The following TMEM117 variants were observed in gnomAD, a reference collection of about 807,000 sequenced individuals.
TMEM117 encodes the protein transmembrane protein 117.
A neutral mutation model predicts 52.4 loss-of-function variants in TMEM117; 27 were observed. The ratio of observed to expected loss-of-function variants is 0.51; its 90% CI spans 0.38 to 0.71. The LOEUF (loss-of-function observed/expected upper bound fraction) is 0.71, where lower values mean the gene tolerates loss of function less well. Among genes scored for constraint, TMEM117 ranks in the 30% least tolerant of loss-of-function variants. The pLI, the probability that TMEM117 is intolerant of heterozygous loss-of-function variation, is 0.00. For synonymous variants in TMEM117, 215 were observed against 206.3 expected (o/e 1.04, Z -0.36); for missense variants, 556 against 630.5 (o/e 0.88, Z 1.26).
intron 3 of TMEM117, among the ~76,000 whole-genome samples, chr12:44,069,838 G>C (rs1047341281): frequency 2.6e-5 from 4 of 152,154 alleles, no homozygotes; most frequent in African/African-American, 9.7e-5. Flanking sequence ...AATTGATTCA[G>C]CCTTTCCATG....
At chr12:44,339,962 G>C (rs1486883678) in intron 6 of TMEM117, among the ~76,000 whole-genome samples, 1 of 152,026 alleles carries the variant, frequency 6.6e-6, no homozygotes, top group Non-Finnish European at 1.5e-5. Flanking sequence ...TGGAAAGTCT[G>C]CAATGCACTG....
intron 3 of TMEM117, among the ~76,000 whole-genome samples, chr12:43,978,924 AAAAC>A (rs1411220335): frequency 6.6e-6 from 1 of 151,384 alleles, no homozygotes; most frequent in African/African-American, 2.4e-5. Context: ...TTTAGTAGGA[AAAAC>A]AAACAATTGG....
At chr12:43,872,512 A>G (rs548513516) in intron 2 of TMEM117, among the ~76,000 whole-genome samples, 146 of 152,324 alleles carry the variant, frequency 9.6e-4, no homozygotes, top group African/African-American at 3.2e-3. Flanking sequence ...TTTTTAGTTG[A>G]GAATTTCAAA....
intron 6 of TMEM117, among the ~76,000 whole-genome samples, chr12:44,376,214 TA>T (rs1386169931): frequency 6.6e-6 from 1 of 152,204 alleles, no homozygotes; most frequent in Non-Finnish European, 1.5e-5. Flanking sequence ...TCATACTTTT[TA>T]AAAGTCATGA....
At chr12:44,127,922 A>G (rs113426159) in intron 3 of TMEM117, among the ~76,000 whole-genome samples, 6 of 151,392 alleles carry the variant, frequency 4.0e-5, no homozygotes, top group South Asian at 4.1e-4. Flanking sequence ...CTGTCTGTCT[A>G]TCTATCTGTC....
chr12:43,922,063 G>A (rs1348336086), intron 2 of TMEM117, among the ~76,000 whole-genome samples: 2 of 152,056 alleles, frequency 1.3e-5, no homozygotes, highest in Non-Finnish European at 2.9e-5. Context: ...GTGCCTTCTT[G>A]TCAGTAGAAC....
rs78088143 is a variant in TMEM117, at chr12:44,081,055, G to A, written c.411-62470G>A. Among the ~76,000 whole-genome samples the A allele has an allele frequency of 1.2e-4, 19 of 152,210 alleles. No homozygotes were observed. The East Asian group carries it at 3.5e-3, about 28-fold the overall frequency. The stretch of plus-strand genomic sequence containing the variant: ...ATAATTACTTTTGTACTAATATTAT[G>A]AACAAATAATTATAACAGATTTAAT... On this transcript the variant is annotated intron_variant, in intron 3 of 7. Transcript: ENST00000266534.
rs138371222 is a variant in TMEM117 at position 43,877,263 on chromosome 12, A to T, written c.277+32335A>T. On this transcript the variant is annotated intron_variant, in intron 2 of 7. Coordinates refer to ENST00000266534, the MANE Select transcript of TMEM117 (RefSeq NM_032256.3). ...GTTGTCCTATGAACTTTGATCTTCA[A>T]TTTGGAGAAATATAAATTTTTGAAA... 5.8e-3 allele frequency among the ~76,000 whole-genome samples: 886 copies of T among 152,288 alleles called. 7 individuals are homozygous for T. Among genetic ancestry groups the T allele is most frequent in the Middle Eastern group, 0.01 (3 of 294 alleles).
chr12:44,216,529 C>T lies in TMEM117; in HGVS notation c.608+5142C>T, dbSNP rs955612333. On this transcript the variant is annotated intron_variant, in intron 5 of 7. Coordinates refer to ENST00000266534, the MANE Select transcript of TMEM117 (RefSeq NM_032256.3). ...CAAAAAGTCATCCCTAGAAATGGGGCGCTGCCATAACGGAAAGCTGAAATT... is the reference window on the plus strand; with the variant it reads ...CAAAAAGTCATCCCTAGAAATGGGGTGCTGCCATAACGGAAAGCTGAAATT... Among the ~76,000 whole-genome samples, 5 of 152,084 alleles carry T rather than the reference C, an allele frequency of 3.3e-5. No homozygotes were observed. In the South Asian group the frequency reaches 6.2e-4, roughly 19 times the overall value.
chr12:43,976,346 A>G (rs1945669966), intron 3 of TMEM117, among the ~76,000 whole-genome samples: 1 of 152,186 alleles, frequency 6.6e-6, no homozygotes, highest in Non-Finnish European at 1.5e-5. Flanking sequence ...ACAGGTATCC[A>G]GTAAAAGAGT....
chr12:43,906,943 T>C (rs565727575), intron 2 of TMEM117, among the ~76,000 whole-genome samples: 14 of 152,338 alleles, frequency 9.2e-5, no homozygotes, highest in African/African-American at 3.4e-4. Context: ...TTGCCCAGGC[T>C]TGCTTAGGTA....
chr12:44,311,905 A>G (rs933362792), intron 6 of TMEM117, among the ~76,000 whole-genome samples: 4 of 132,890 alleles, frequency 3.0e-5, no homozygotes, highest in African/African-American at 1.0e-4. Context: ...GTGTATATAT[A>G]TATGTGTGTA....
intron 5 of TMEM117, among the ~76,000 whole-genome samples, chr12:44,297,507 T>C (rs1205585415): frequency 6.6e-6 from 1 of 151,998 alleles, no homozygotes; most frequent in Non-Finnish European, 1.5e-5. Context: ...AAAAAGAAAG[T>C]GGGATATAAG....
chr12:43,882,460 C>A (rs866122368), intron 2 of TMEM117, among the ~76,000 whole-genome samples: 515 of 116,980 alleles, frequency 4.4e-3, no homozygotes, highest in Middle Eastern at 8.3e-3. Flanking sequence ...AACTTCATCT[C>A]AAAAAAAAAA....
At chr12:43,796,593 A>T in the TMEM117 span, among the ~76,000 whole-genome samples, 2 of 152,130 alleles carry the variant, frequency 1.3e-5, no homozygotes, top group African/African-American at 4.8e-5. Context: ...AATAATCACA[A>T]GTATGCAGCT....
chr12:44,011,722 T>G (rs1052646943), intron 3 of TMEM117, among the ~76,000 whole-genome samples: 1 of 152,092 alleles, frequency 6.6e-6, no homozygotes, highest in South Asian at 2.1e-4. Context: ...AGTAAGATAT[T>G]AATAATATTA....
At chr12:44,161,100 T>C (rs949931720) in intron 4 of TMEM117, among the ~76,000 whole-genome samples, 9 of 152,284 alleles carry the variant, frequency 5.9e-5, no homozygotes, top group African/African-American at 2.2e-4. Context: ...TTCAGGGATA[T>C]TGAGTAACAT....
At chr12:44,193,404 A>C (rs1259110400) in intron 4 of TMEM117, among the ~76,000 whole-genome samples, 3 of 152,190 alleles carry the variant, frequency 2.0e-5, no homozygotes, top group African/African-American at 7.2e-5. Flanking sequence ...ACCAAAAATA[A>C]AGTGTGACTC....
intron 6 of TMEM117, among the ~76,000 whole-genome samples, chr12:44,340,191 G>A (rs878965659): frequency 6.6e-6 from 1 of 151,908 alleles, no homozygotes; most frequent in Non-Finnish European, 1.5e-5. Context: ...AACAAATGTT[G>A]GATCACAACC....
Sources: gnomAD v4.1 joint callset for allele counts (sites outside exome capture counted in the v4.1 genomes callset) on GRCh38, gnomAD v4.1.1 for gene constraint, MANE v1.5 for transcripts, NCBI Gene and HGNC (gene_info 2026-07-23, HGNC 2026-07-21) for gene names.